RPL24: variants seen among roughly 807,000 people sequenced by gnomAD.
The protein encoded by RPL24 is large ribosomal subunit protein eL24.
A neutral mutation model predicts 26.4 loss-of-function variants in RPL24; 7 were observed. The ratio of observed to expected loss-of-function variants is 0.27; its 90% CI spans 0.15 to 0.50. The LOEUF is 0.50. RPL24 is among the 20% of genes least tolerant of loss of function. The pLI, the probability that RPL24 is intolerant of heterozygous loss-of-function variation, is 0.98. For missense variants in RPL24, 109 were observed against 194.9 expected (o/e 0.56, Z 2.62); for synonymous variants, 67 against 65.2 (o/e 1.03, Z -0.13).
chr3:101,685,654 A>G (rs1937327908), intron 3 of RPL24, among the ~76,000 whole-genome samples, 164 bp downstream of exon 3: 1 of 152,220 alleles, frequency 6.6e-6, no homozygotes, highest in Non-Finnish European at 1.5e-5. Flanking sequence ...AGCCTAAAAT[A>G]TATAGAGACA....
intron 3 of RPL24, among the ~76,000 whole-genome samples, 196 bp from the exon 4 acceptor site, chr3:101,683,103 TTAC>T (rs1288895943): frequency 6.6e-6 from 1 of 152,228 alleles, no homozygotes; most frequent in Non-Finnish European, 1.5e-5. Flanking sequence ...AGCCATTTTT[TTAC>T]TACCTTAAAA....
intron 5 of RPL24, chr3:101,681,612 A>G (rs1458585538): frequency 6.1e-6 from 1 of 163,598 alleles, no homozygotes; most frequent in Admixed American, 6.1e-5. Context: ...TCGGGGTGCT[A>G]AAGCAGGTGG....
At chr3:101,682,653 C>A (rs1373691133) in intron 4 of RPL24, 118 bp downstream of exon 4, 2 of 1,245,322 alleles carry the variant, frequency 1.6e-6, no homozygotes, top group Admixed American at 2.2e-5. Flanking sequence ...CAATAATTTT[C>A]ATTAACCACC....
intron 3 of RPL24, among the ~76,000 whole-genome samples, chr3:101,683,118 GAC>G (rs542675631): frequency 5.9e-5 from 9 of 152,048 alleles, no homozygotes; most frequent in Non-Finnish European, 1.0e-4. Flanking sequence ...ACCTTAAAAA[GAC>G]ACACAAAAAA....
rs1347604722 is a variant in RPL24, at chr3:101,682,780, T to C, written c.320A>G (p.Gln107Arg). The C allele has an allele frequency of 6.2e-7, 1 of 1,612,890 alleles. No individual in the cohort carries two copies. Among genetic ancestry groups the C allele is most frequent in the South Asian group, 1.1e-5 (1 of 91,028 alleles). The change falls in exon 4 of 6, where the codon CAA becomes CGA. Residue 107 changes from glutamine (Q) to arginine (R), a missense_variant. By Grantham distance (43) the Gln-to-Arg change is conservative. Transcript: ENST00000394077. ...KPEVRKAQRE[Q>R]AIRAAKEAKK... is the part of the protein sequence containing the mutation. ...TGAAAGCATTCCTCACCTGATAGCT[T>C]GTTCTCGTTGAGCCTTTCTAACTTC...
intron 3 of RPL24, among the ~76,000 whole-genome samples, chr3:101,684,829 T>G: frequency 7.7e-6 from 1 of 129,432 alleles, no homozygotes; most frequent in Admixed American, 8.1e-5. Flanking sequence ...AGTGGCCTTA[T>G]GTACATTCAT....
chr3:101,684,313 C>T (rs1937301793), intron 3 of RPL24, among the ~76,000 whole-genome samples: 1 of 152,024 alleles, frequency 6.6e-6, no homozygotes, highest in African/African-American at 2.4e-5. Context: ...CTACAGGCAC[C>T]TGCCACCATG....
chr3:101,686,714 G>T lies in RPL24; in HGVS notation c.-38C>A, dbSNP rs200609059. 2.2e-5 allele frequency: 35 copies of T among 1,613,758 alleles called. No homozygotes were observed. The South Asian group carries it at 3.8e-4, about 18-fold the overall frequency. ...ACGGAAAGACAAAAGATGGCGAAAA[G>T]AAAGAGAGAATCATGGGAAGAGACC... On this transcript the variant is annotated 5_prime_UTR_variant, in exon 1 of 6. Coordinates refer to ENST00000394077, the MANE Select transcript of RPL24 (RefSeq NM_000986.4).
At chr3:101,686,612 C>G in intron 1 of RPL24, 55 bp from the exon 2 acceptor site, 1 of 1,614,050 alleles carries the variant, frequency 6.2e-7, no homozygotes, top group African/African-American at 1.3e-5. Flanking sequence ...ATGCCAGGGA[C>G]GACAGAGAGG....
At chr3:101,685,096 ATT>A (rs1937319019) in intron 3 of RPL24, among the ~76,000 whole-genome samples, 1 of 151,504 alleles carries the variant, frequency 6.6e-6, no homozygotes, top group African/African-American at 2.4e-5. Flanking sequence ...ACACCAAATG[ATT>A]TTTCACAGCT....
intron 3 of RPL24, among the ~76,000 whole-genome samples, chr3:101,684,549 CAGG>C (rs1448231521): frequency 2.0e-5 from 3 of 152,032 alleles, no homozygotes; most frequent in Non-Finnish European, 4.4e-5. Flanking sequence ...GTGGCCAAGG[CAGG>C]AGGATTACTT....
chr3:101,686,025 G>T, intron 2 of RPL24, 97 bp from the exon 3 acceptor site: 1 of 796,858 alleles, frequency 1.3e-6, no homozygotes, highest in Non-Finnish European at 2.1e-6. Flanking sequence ...TGCTAGTTCT[G>T]GCTTATCATT....
At chr3:101,681,248 A>C (rs775556136) in intron 5 of RPL24, 33 bp from the exon 6 acceptor site, 1 of 1,472,720 alleles carries the variant, frequency 6.8e-7, no homozygotes, top group Non-Finnish European at 9.5e-7. Flanking sequence ...TACTCCACAA[A>C]ACTTTTGTTA....
intron 3 of RPL24, among the ~76,000 whole-genome samples, chr3:101,683,184 G>A (rs1032540637): frequency 1.3e-5 from 2 of 152,088 alleles, no homozygotes; most frequent in Admixed American, 6.5e-5. Flanking sequence ...TATAAATGAA[G>A]ACTGTTTATA....
rs1251094444 is a variant in RPL24, at chr3:101,685,944, C to G, written c.82-16G>C. 1 of 1,502,498 alleles carries G rather than the reference C, an allele frequency of 6.7e-7. No individual in the cohort carries two copies. Among genetic ancestry groups the G allele is most frequent in the Non-Finnish European group, 9.3e-7 (1 of 1,078,522 alleles). 93.1% of individuals were successfully genotyped at this position (1,502,498 alleles called of 1,614,324 possible). A position where few individuals can be genotyped will look rare whatever the true frequency, so the allele number is the denominator to read the frequency against. On this transcript the variant is annotated splice_polypyrimidine_tract_variant and intron_variant, in intron 2 of 5. Transcript: ENST00000394077. ...ACTGGAAAACCTAGAGTGACAAATGCAAAGGAATTACTATTTAACTATACA... is the reference window on the plus strand; with the variant it reads ...ACTGGAAAACCTAGAGTGACAAATGGAAAGGAATTACTATTTAACTATACA...
chr3:101,683,054 T>C (rs1576658299), intron 3 of RPL24, 147 bp from the exon 4 acceptor site: 6 of 802,594 alleles, frequency 7.5e-6, no homozygotes, highest in East Asian at 2.7e-5. Context: ...AAATAAAACA[T>C]GTTTTCCCTT....
At chr3:101,686,048 G>A (rs2303471) in intron 2 of RPL24, 120 bp from the exon 3 acceptor site, 19,760 of 673,176 alleles carry the variant, frequency 0.029, 770 homozygotes, top group East Asian at 0.16. Context: ...ACAAAACTGA[G>A]GCCCACAAGG....
intron 3 of RPL24, among the ~76,000 whole-genome samples, chr3:101,685,198 A>C (rs1485581398): frequency 6.6e-6 from 1 of 151,492 alleles, no homozygotes; most frequent in Non-Finnish European, 1.5e-5. Flanking sequence ...CTGAATAGTC[A>C]CCCTAATAGG....
chr3:101,686,313 A>G, intron 2 of RPL24, 169 bp downstream of exon 2: 1 of 613,620 alleles, frequency 1.6e-6, no homozygotes, highest in Non-Finnish European at 2.9e-6. Flanking sequence ...TAAATAATCA[A>G]CACTGGTTCA....
Sources: gnomAD v4.1 joint callset for allele counts (sites outside exome capture counted in the v4.1 genomes callset) on GRCh38, gnomAD v4.1.1 for gene constraint, MANE v1.5 for transcripts, NCBI Gene and HGNC (gene_info 2026-07-23, HGNC 2026-07-21) for gene names.